CSMD2: variants seen among roughly 807,000 people sequenced by gnomAD.
CSMD2 encodes the protein CUB and sushi domain-containing protein 2.
CSMD2 carries 130 observed loss-of-function variants against 398.5 expected under a neutral mutation model. That is an observed-to-expected ratio of 0.33 (90% CI 0.28 to 0.38). The LOEUF is 0.38. Ranked by LOEUF, CSMD2 falls within the 10% of genes least tolerant of loss-of-function variation. The pLI is 1.00. For synonymous variants in CSMD2, 1,828 were observed against 1,908.5 expected (o/e 0.96, Z 1.10); for missense variants, 3,829 against 4,764.9 (o/e 0.80, Z 5.78).
intron 58 of CSMD2, 72 bp from the exon 59 acceptor site, chr1:33,541,381 C>G: frequency 8.7e-7 from 1 of 1,148,456 alleles, no homozygotes; most frequent in African/African-American, 1.5e-5. Context: ...CCATCCCTAT[C>G]ACTCCCTGCA....
At position 33,935,791 on chromosome 1, in the gene CSMD2, G is replaced by T. The variant is rs1345393734; in HGVS notation, c.681C>A (p.Ala227=). Residue 227 remains alanine (A), a synonymous_variant, in exon 4 of 71, where the codon GCC becomes GCA. Coordinates refer to ENST00000373381, the MANE Select transcript of CSMD2 (RefSeq NM_001281956.2). ...LTCHAGSENS[A]TWDFPLPSCR... ...AGGAAGGCAGGGGGAAGTCCCACGT[G>T]GCGCTGTTCTCAGAGCCAGCGTGGC... is the stretch of plus-strand genomic sequence containing the variant. The T allele has an allele frequency of 1.9e-6, 3 of 1,612,304 alleles. 1 individual carries two copies.
intron 14 of CSMD2, among the ~76,000 whole-genome samples, chr1:33,740,824 C>T (rs1192905146): frequency 6.6e-6 from 1 of 152,162 alleles, no homozygotes; most frequent in Admixed American, 6.5e-5. Flanking sequence ...CACACACATA[C>T]ACGCGCGCGC....
At chr1:33,587,804 G>A (rs1390287456) in intron 44 of CSMD2, among the ~76,000 whole-genome samples, 1 of 152,130 alleles carries the variant, frequency 6.6e-6, no homozygotes. Context: ...CTAGAGGCAG[G>A]ATGCTATTTA....
intron 5 of CSMD2, among the ~76,000 whole-genome samples, chr1:33,857,986 G>C (rs538929740): frequency 6.6e-6 from 1 of 152,182 alleles, no homozygotes; most frequent in Non-Finnish European, 1.5e-5. Context: ...GATCTGTCCT[G>C]TATCCTTTCA....
intron 3 of CSMD2, among the ~76,000 whole-genome samples, chr1:33,941,376 T>A (rs1053442999): frequency 2.6e-5 from 4 of 152,202 alleles, no homozygotes; most frequent in Non-Finnish European, 5.9e-5. Flanking sequence ...ACCCTCCATA[T>A]GTTTTGATTT....
intron 3 of CSMD2, among the ~76,000 whole-genome samples, chr1:33,979,803 G>T (rs1314077678): frequency 6.6e-6 from 1 of 152,178 alleles, no homozygotes; most frequent in Non-Finnish European, 1.5e-5. Context: ...GAGCCCATCT[G>T]CCTGGGTCCA....
intron 2 of CSMD2, among the ~76,000 whole-genome samples, chr1:34,058,199 A>G (rs1654074006): frequency 6.6e-6 from 1 of 150,762 alleles, no homozygotes; most frequent in African/African-American, 2.4e-5. Context: ...TGCACTTCAG[A>G]CTCCAGCTCT....
At chr1:33,819,996 A>C (rs993244678) in intron 8 of CSMD2, among the ~76,000 whole-genome samples, 159 bp from the exon 9 acceptor site, 7 of 152,196 alleles carry the variant, frequency 4.6e-5, no homozygotes, top group Non-Finnish European at 1.0e-4. Flanking sequence ...ATTGGAAGGA[A>C]CATCTGCTCT....
chr1:34,164,873 C>CG lies in CSMD2; in HGVS notation c.187+37dup. On this transcript the variant is annotated intron_variant, in intron 1 of 70. Transcript: ENST00000373381. The surrounding 1 kb of genome is among the most constrained non-coding windows in gnomAD (Gnocchi z 6.2). ...GTGGGCTCGGGGCTCGGGTGGGGCG[C>CG]GCGGCGGCCGCTGGCTCCTCGGCGC... The CG allele has an allele frequency of 8.2e-7, 1 of 1,216,440 alleles. No homozygotes were observed. Among genetic ancestry groups the CG allele is most frequent in the South Asian group, 4.1e-5 (1 of 24,184 alleles). 75.4% of individuals were successfully genotyped at this position (1,216,440 alleles called of 1,614,324 possible).
intron 1 of CSMD2, among the ~76,000 whole-genome samples, chr1:34,092,773 G>C (rs867582278): frequency 1.3e-5 from 2 of 152,146 alleles, no homozygotes; most frequent in African/African-American, 2.4e-5. Flanking sequence ...ACGGAGTCTC[G>C]CTGATTGCTA....
chr1:33,865,026 T>G (rs1280613893), intron 5 of CSMD2, among the ~76,000 whole-genome samples: 1 of 135,714 alleles, frequency 7.4e-6, no homozygotes, highest in Non-Finnish European at 1.6e-5. Context: ...TTGAGAGAAG[T>G]GTCAGCAGTA....
intron 5 of CSMD2, among the ~76,000 whole-genome samples, chr1:33,895,832 G>T (rs1458462723): frequency 6.6e-6 from 1 of 152,142 alleles, no homozygotes; most frequent in African/African-American, 2.4e-5. Context: ...GTCTTTCTGG[G>T]TTATGGGATG....
intron 1 of CSMD2, among the ~76,000 whole-genome samples, chr1:34,128,819 T>A (rs1409026120): frequency 6.6e-6 from 1 of 152,064 alleles, no homozygotes; most frequent in Non-Finnish European, 1.5e-5. Flanking sequence ...GGACAGTGAC[T>A]AGGGATGGGG....
At chr1:33,573,379 T>C (rs1659773121) in intron 49 of CSMD2, among the ~76,000 whole-genome samples, 2 of 152,062 alleles carry the variant, frequency 1.3e-5, no homozygotes, top group Non-Finnish European at 2.9e-5. Context: ...TTAAAATAAA[T>C]GTCCCCTTAG....
intron 2 of CSMD2, among the ~76,000 whole-genome samples, chr1:34,076,514 T>C (rs893381438): frequency 3.3e-5 from 5 of 152,200 alleles, no homozygotes; most frequent in African/African-American, 9.6e-5. Flanking sequence ...CCACTTGCAG[T>C]TGGGACAACC....
intron 29 of CSMD2, among the ~76,000 whole-genome samples, chr1:33,642,594 T>C (rs1351164074): frequency 1.3e-5 from 2 of 152,210 alleles, no homozygotes; most frequent in African/African-American, 2.4e-5. Flanking sequence ...TGGGAGTTTA[T>C]GCTTTCTGCC....
intron 1 of CSMD2, among the ~76,000 whole-genome samples, chr1:34,152,224 A>T (rs145326517): frequency 6.6e-6 from 1 of 152,280 alleles, no homozygotes; most frequent in Non-Finnish European, 1.5e-5. Flanking sequence ...CTTATGATCC[A>T]TGATTCATGG....
chr1:34,118,309 T>A (rs1052907611), intron 1 of CSMD2, among the ~76,000 whole-genome samples: 1 of 152,158 alleles, frequency 6.6e-6, no homozygotes, highest in Non-Finnish European at 1.5e-5. Flanking sequence ...ATAGCTAACA[T>A]TATGCTGAAT....
chr1:33,818,144 T>C (rs1657686968), intron 9 of CSMD2, among the ~76,000 whole-genome samples: 1 of 152,226 alleles, frequency 6.6e-6, no homozygotes, highest in East Asian at 1.9e-4. Flanking sequence ...GGCATTGTCA[T>C]CCTGGCTTCT....
Sources: allele counts gnomAD v4.1 joint callset (sites outside exome capture counted in the v4.1 genomes callset), GRCh38; gene constraint gnomAD v4.1.1; non-coding constraint Gnocchi (gnomAD v3.1); transcripts MANE v1.5; gene names NCBI Gene and HGNC (gene_info 2026-07-23, HGNC 2026-07-21).